Variants in STAG1 observed in about 807,000 individuals in gnomAD.
STAG1 encodes cohesin subunit SA-1.
A neutral mutation model predicts 170.9 loss-of-function variants in STAG1; 26 were observed. The ratio of observed to expected loss-of-function variants is 0.15; its 90% CI spans 0.11 to 0.21. The LOEUF (loss-of-function observed/expected upper bound fraction) is 0.21. Ranked by LOEUF, STAG1 falls within the 10% of genes least tolerant of loss-of-function variation. STAG1 has a pLI of 1.00. For synonymous variants in STAG1, 514 were observed against 497.7 expected, an observed-to-expected ratio of 1.03 and a Z score of -0.44; for missense variants, 964 against 1,509.5, an observed-to-expected ratio of 0.64 and a Z score of 5.99.
At chr3:136,503,741 T>A (rs1450619842) in intron 7 of STAG1, among the ~76,000 whole-genome samples, 1 of 152,190 alleles carries the variant, frequency 6.6e-6, no homozygotes, top group African/African-American at 2.4e-5. Flanking sequence ...TCATTATTTT[T>A]ATTTTTTTTT....
intron 4 of STAG1, among the ~76,000 whole-genome samples, chr3:136,598,884 C>T (rs1243276751): frequency 1.3e-5 from 2 of 152,138 alleles, no homozygotes; most frequent in Non-Finnish European, 2.9e-5. Flanking sequence ...TTCCTTAATA[C>T]TTCAGTTATA....
intron 1 of STAG1, among the ~76,000 whole-genome samples, chr3:136,706,275 T>C (rs923319288): frequency 2.6e-5 from 4 of 152,188 alleles, no homozygotes; most frequent in Non-Finnish European, 5.9e-5. Flanking sequence ...GGCATTCATA[T>C]TGGAAAGGAT....
At chr3:136,420,369 ATTTTG>A (rs1389242191) in intron 20 of STAG1, among the ~76,000 whole-genome samples, 1 of 151,986 alleles carries the variant, frequency 6.6e-6, no homozygotes, top group Non-Finnish European at 1.5e-5. Context: ...AAAAACAACT[ATTTTG>A]TTTTAATTGA....
rs1382470184 is a variant in STAG1 at position 136,501,764 on chromosome 3, G to T, written c.828+864C>A. On this transcript the variant is annotated intron_variant, in intron 8 of 33. Coordinates refer to ENST00000383202, the MANE Select transcript of STAG1 (RefSeq NM_005862.3). ...TTCTTGCCTATTATAAACCCATTAA[G>T]TTATTATTCATACGTAATTCCTTTG... Among the ~76,000 whole-genome samples the T allele has an allele frequency of 4.6e-5, 7 of 152,176 alleles. No homozygotes were observed. The South Asian group carries it at 1.2e-3, about 27-fold the overall frequency.
chr3:136,630,250 C>G (rs939751192), intron 2 of STAG1, among the ~76,000 whole-genome samples: 1 of 152,064 alleles, frequency 6.6e-6, no homozygotes, highest in Non-Finnish European at 1.5e-5. Flanking sequence ...TTAACTCCAA[C>G]AAATCTAATG....
intron 1 of STAG1, among the ~76,000 whole-genome samples, chr3:136,649,503 CA>C (rs761067087): frequency 0.028 from 2,012 of 70,904 alleles, 43 homozygotes; most frequent in African/African-American, 0.074. Flanking sequence ...AAAACAGAAA[CA>C]AAAAAAAAAA....
intron 1 of STAG1, among the ~76,000 whole-genome samples, chr3:136,696,749 G>A (rs1052874973): frequency 1.2e-4 from 19 of 152,254 alleles, no homozygotes; most frequent in African/African-American, 4.6e-4. Flanking sequence ...CAAATGCACT[G>A]TGCTTAATAA....
chr3:136,565,703 G>T (rs569056260), intron 5 of STAG1, among the ~76,000 whole-genome samples: 1 of 152,062 alleles, frequency 6.6e-6, no homozygotes, highest in East Asian at 1.9e-4. Context: ...ACTCAAAAAC[G>T]GCACTCAAAC....
At chr3:136,345,606 A>C (rs1936191724) in intron 29 of STAG1, among the ~76,000 whole-genome samples, 1 of 152,044 alleles carries the variant, frequency 6.6e-6, no homozygotes, top group Non-Finnish European at 1.5e-5. Flanking sequence ...TACCTATAAA[A>C]ATTCTAAATT....
chr3:136,605,883 T>C (rs1043300950), intron 3 of STAG1, among the ~76,000 whole-genome samples: 1 of 152,040 alleles, frequency 6.6e-6, no homozygotes, highest in Admixed American at 6.5e-5. Flanking sequence ...TTTTCCTTAT[T>C]ATAGTACCTG....
chr3:136,739,821 T>C (rs1308709732), intron 1 of STAG1, among the ~76,000 whole-genome samples: 3 of 151,380 alleles, frequency 2.0e-5, no homozygotes, highest in Non-Finnish European at 4.4e-5. Flanking sequence ...CAAGACTTCA[T>C]CTCAAAAAAA....
intron 7 of STAG1, among the ~76,000 whole-genome samples, chr3:136,507,873 A>G (rs2107877675): frequency 6.6e-6 from 1 of 152,304 alleles, no homozygotes; most frequent in South Asian, 2.1e-4. Context: ...GTATTCCAGA[A>G]AACAAGTGAA....
chr3:136,715,219 C>T (rs545349097), intron 1 of STAG1, among the ~76,000 whole-genome samples: 4 of 145,704 alleles, frequency 2.7e-5, no homozygotes, highest in Non-Finnish European at 4.5e-5. Flanking sequence ...TGCTATGTTA[C>T]TCAAGCTAGT....
At chr3:136,732,516 T>C (rs924950661) in intron 1 of STAG1, among the ~76,000 whole-genome samples, 9 of 152,202 alleles carry the variant, frequency 5.9e-5, no homozygotes, top group Admixed American at 5.2e-4. Flanking sequence ...AGGAGCCTAA[T>C]TTCCGAAATA....
chr3:136,623,947 C>T (rs1939975904), intron 2 of STAG1, among the ~76,000 whole-genome samples: 1 of 151,990 alleles, frequency 6.6e-6, no homozygotes, highest in African/African-American at 2.4e-5. Flanking sequence ...AATACTCTGT[C>T]TGAAAACAAA....
At chr3:136,340,708 T>C in intron 31 of STAG1, 103 bp from the exon 32 acceptor site, 1 of 714,572 alleles carries the variant, frequency 1.4e-6, no homozygotes, top group African/African-American at 1.8e-5. Context: ...AAGTATACCT[T>C]CTAATCATGA....
At chr3:136,376,061 T>TAAAATAAAATAAAATAAAATAAAACA (rs1560069542) in intron 23 of STAG1, among the ~76,000 whole-genome samples, 1 of 116,610 alleles carries the variant, frequency 8.6e-6, no homozygotes, top group Non-Finnish European at 1.9e-5. Context: ...CAAAATAAAA[T>TAAAATAAAATAAAATAAAATAAAACA]AAATGGCAGA....
At chr3:136,688,394 G>C (rs1942609671) in intron 1 of STAG1, among the ~76,000 whole-genome samples, 1 of 151,924 alleles carries the variant, frequency 6.6e-6, no homozygotes, top group Admixed American at 6.6e-5. Context: ...AGTACAAAAA[G>C]TTTAATTTTT....
At chr3:136,392,765 CAAAAA>C (rs71157377) in intron 22 of STAG1, among the ~76,000 whole-genome samples, 1 of 93,552 alleles carries the variant, frequency 1.1e-5, no homozygotes, top group Admixed American at 1.2e-4. Context: ...GGCTCCGTCT[CAAAAA>C]AAAAAAAAAA....
Sources: gnomAD v4.1 joint callset for allele counts (sites outside exome capture counted in the v4.1 genomes callset) on GRCh38, gnomAD v4.1.1 for gene constraint, MANE v1.5 for transcripts, NCBI Gene and HGNC (gene_info 2026-07-23, HGNC 2026-07-21) for gene names.